Variants in FYB1 observed in about 807,000 individuals in gnomAD.
FYB1 encodes FYN-binding protein 1.
FYB1 carries 41 observed loss-of-function variants against 94.1 expected under a neutral mutation model. That is an observed-to-expected ratio of 0.44 (90% CI 0.34 to 0.57). FYB1 has a LOEUF of 0.57. FYB1 is among the 20% of genes least tolerant of loss of function. The pLI is 0.02. For synonymous variants in FYB1, 367 were observed against 353.2 expected (o/e 1.04, Z -0.44); for missense variants, 1,050 against 976.8 (o/e 1.07, Z -1.00).
intron 1 of FYB1, among the ~76,000 whole-genome samples, chr5:39,268,996 T>C (rs1406088836): frequency 6.6e-6 from 1 of 152,214 alleles, no homozygotes; most frequent in Non-Finnish European, 1.5e-5. Flanking sequence ...AAAATCCAAA[T>C]AGCACTTTAT....
rs1391402758 is a variant in FYB1 at position 39,107,413 on chromosome 5, T to C, written c.*30A>G. On this transcript the variant is annotated 3_prime_UTR_variant, in exon 19 of 19. Coordinates refer to ENST00000512982, the MANE Select transcript of FYB1 (RefSeq NM_001465.6). ...ATCCAGACTTCACATTGGCACCTAATGAACACAGCAGAATGACCAAAGTTG... is the reference window on the plus strand; with the variant it reads ...ATCCAGACTTCACATTGGCACCTAACGAACACAGCAGAATGACCAAAGTTG... The C allele has an allele frequency of 6.7e-7, 1 of 1,497,180 alleles. No homozygotes were observed. The highest frequency in any genetic ancestry group is 9.0e-7 in the Non-Finnish European group (1 of 1,115,236). The allele number at this position is 1,497,180 out of a possible 1,614,324, so 92.7% of individuals were successfully genotyped here.
At chr5:39,203,663 C>A (rs1748584597) in intron 1 of FYB1, among the ~76,000 whole-genome samples, 1 of 152,172 alleles carries the variant, frequency 6.6e-6, no homozygotes, top group African/African-American at 2.4e-5. Flanking sequence ...CGATTGTACT[C>A]ACTTTCAGAA....
At chr5:39,248,815 T>C (rs910406146) in intron 1 of FYB1, among the ~76,000 whole-genome samples, 4 of 152,160 alleles carry the variant, frequency 2.6e-5, no homozygotes, top group South Asian at 4.1e-4. Flanking sequence ...CCAGCCTGGA[T>C]GATGAAGTGA....
chr5:39,178,426 C>A (rs1007468555), intron 2 of FYB1, among the ~76,000 whole-genome samples: 1 of 152,122 alleles, frequency 6.6e-6, no homozygotes, highest in African/African-American at 2.4e-5. Context: ...CTCTGTCAGG[C>A]TCAAATATCA....
intron 1 of FYB1, among the ~76,000 whole-genome samples, chr5:39,273,837 C>A (rs1348069700): frequency 6.6e-6 from 1 of 151,832 alleles, no homozygotes; most frequent in Non-Finnish European, 1.5e-5. Flanking sequence ...ACTCATCTTG[C>A]AAGTAGATAA....
At chr5:39,187,220 A>G (rs1561233079) in intron 2 of FYB1, among the ~76,000 whole-genome samples, 1 of 152,240 alleles carries the variant, frequency 6.6e-6, no homozygotes, top group Non-Finnish European at 1.5e-5. Context: ...TGTTTTTATC[A>G]GTGCCACATT....
chr5:39,219,426 C>T lies in FYB1; in HGVS notation c.-28+17G>A, dbSNP rs1450297277. 2.0e-6 allele frequency: 2 copies of T among 985,256 alleles called. No individual in the cohort carries two copies. Among genetic ancestry groups the T allele is most frequent in the Non-Finnish European group, 1.2e-6 (1 of 829,884 alleles). The allele number at this position is 985,256 out of a possible 1,614,324, so 61.0% of individuals were successfully genotyped here. ...TACACATTTATTTGAAAGAAGAAAC[C>T]TAGGCATAGCTGTTACCTGACTCCT... On this transcript the variant is annotated intron_variant, in intron 1 of 18. Transcript: ENST00000512982.
At chr5:39,214,733 G>C (rs1053382854) in intron 1 of FYB1, among the ~76,000 whole-genome samples, 3 of 152,172 alleles carry the variant, frequency 2.0e-5, no homozygotes, top group Admixed American at 6.5e-5. Flanking sequence ...TTTGGGACCA[G>C]CCTGGCCAAC....
chr5:39,185,315 A>C (rs1746647423), intron 2 of FYB1, among the ~76,000 whole-genome samples: 1 of 152,012 alleles, frequency 6.6e-6, no homozygotes, highest in African/African-American at 2.4e-5. Context: ...GCATTGTATA[A>C]ACCTAAGCCT....
rs1244718538 is a variant in FYB1 at position 39,119,020 on chromosome 5, C to T, written c.2255G>A (p.Arg752Lys). ...TGTAACTTTAGTTGAATATAGGACT[C>T]TAATTTCACCATCATACTAAAAAAA... The part of the protein sequence containing the change: ...RKKFKYDGEI[R>K]VLYSTKVTTS... The change falls in exon 16 of 19, where the codon AGA becomes AAA. Residue 752 changes from arginine (R) to lysine (K), a missense_variant. Physicochemically the swap from Arg to Lys is conservative, Grantham distance 26. Transcript: ENST00000512982. 3.6e-6 allele frequency: 5 copies of T among 1,387,488 alleles called. No individual in the cohort carries two copies. The highest frequency in any genetic ancestry group is 4.8e-6 in the Non-Finnish European group (5 of 1,037,140). The allele number at this position is 1,387,488 out of a possible 1,614,324, so 85.9% of individuals were successfully genotyped here.
chr5:39,112,902 A>G (rs540024445), intron 16 of FYB1, among the ~76,000 whole-genome samples: 1 of 152,094 alleles, frequency 6.6e-6, no homozygotes, highest in South Asian at 2.1e-4. Context: ...AATAATTGGG[A>G]CTATTATTTA....
intron 1 of FYB1, among the ~76,000 whole-genome samples, chr5:39,259,354 G>T (rs1460622086): frequency 6.6e-6 from 1 of 152,208 alleles, no homozygotes; most frequent in African/African-American, 2.4e-5. Context: ...CAGTAGGCTG[G>T]TTGATTTAGT....
At chr5:39,235,858 A>G (rs1750937264) in intron 1 of FYB1, among the ~76,000 whole-genome samples, 1 of 152,116 alleles carries the variant, frequency 6.6e-6, no homozygotes, top group Admixed American at 6.6e-5. Flanking sequence ...GTTGTGCAAT[A>G]GGACTCTTTT....
At chr5:39,236,260 T>C (rs776753356) in intron 1 of FYB1, among the ~76,000 whole-genome samples, 1 of 152,106 alleles carries the variant, frequency 6.6e-6, no homozygotes, top group Non-Finnish European at 1.5e-5. Flanking sequence ...AGTAAATCCC[T>C]AATTTCAAGA....
At chr5:39,210,454 A>G (rs1362068281) in intron 1 of FYB1, among the ~76,000 whole-genome samples, 1 of 152,254 alleles carries the variant, frequency 6.6e-6, no homozygotes, top group Non-Finnish European at 1.5e-5. Flanking sequence ...GAAGCAAGAT[A>G]GCCTAGCAAG....
intron 2 of FYB1, chr5:39,169,778 A>T (rs1049380453): frequency 4.0e-6 from 2 of 494,094 alleles, no homozygotes; most frequent in African/African-American, 4.0e-5. Context: ...TGCAGGCAGC[A>T]TTTGATGATG....
At position 39,108,184 on chromosome 5, in the gene FYB1, T is replaced by C. The variant is rs1289672404; in HGVS notation, c.2467+47A>G. On this transcript the variant is annotated intron_variant, in intron 18 of 18. Coordinates refer to ENST00000512982, the MANE Select transcript of FYB1 (RefSeq NM_001465.6). ...CTATTTTTAGCATTTATAAAAACAG[T>C]AAATTCACTATGACTGTTCTCTAGG... 2.7e-6 allele frequency: 4 copies of C among 1,463,370 alleles called. No homozygotes were observed. The African/African-American group carries it at 5.6e-5, about 21-fold the overall frequency. The allele number at this position is 1,463,370 out of a possible 1,614,324, so 90.6% of individuals were successfully genotyped here.
At chr5:39,136,232 G>A (rs566619577) in intron 7 of FYB1, among the ~76,000 whole-genome samples, 9 of 151,962 alleles carry the variant, frequency 5.9e-5, no homozygotes, top group Admixed American at 5.9e-4. Context: ...ACCACGCCTG[G>A]CCAGTTTTTT....
intron 16 of FYB1, among the ~76,000 whole-genome samples, chr5:39,116,577 G>A (rs548882569): frequency 2.5e-4 from 38 of 152,260 alleles, no homozygotes; most frequent in African/African-American, 8.9e-4. Context: ...AGATTATGCA[G>A]TTATTCTGAA....
Sources: gnomAD v4.1 joint callset for allele counts (sites outside exome capture counted in the v4.1 genomes callset) on GRCh38, gnomAD v4.1.1 for gene constraint, MANE v1.5 for transcripts, NCBI Gene and HGNC (gene_info 2026-07-23, HGNC 2026-07-21) for gene names.